Variants in AGFG1 observed in about 807,000 individuals in gnomAD.
AGFG1 encodes the protein ArfGAP with FG repeats 1.
In AGFG1, 10 loss-of-function variants were observed where a neutral mutation model predicts 60.6. That is an observed-to-expected ratio of 0.16 (90% CI 0.10 to 0.28). AGFG1 has a LOEUF of 0.28. Among genes scored for constraint, AGFG1 ranks in the 10% least tolerant of loss-of-function variants. The pLI is 1.00. For missense variants in AGFG1, 537 were observed against 676.5 expected, an observed-to-expected ratio of 0.79 and a Z score of 2.29; for synonymous variants, 247 against 242.9, an observed-to-expected ratio of 1.02 and a Z score of -0.16.
intron 8 of AGFG1, among the ~76,000 whole-genome samples, chr2:227,536,345 G>T (rs756123948): frequency 3.9e-5 from 6 of 152,080 alleles, no homozygotes. Flanking sequence ...TGAATATTAA[G>T]ATAGTGGCAC....
intron 1 of AGFG1, among the ~76,000 whole-genome samples, chr2:227,486,732 C>G (rs948772013): frequency 6.6e-6 from 1 of 152,140 alleles, no homozygotes; most frequent in Admixed American, 6.5e-5. Context: ...AGTAGAGAGC[C>G]AAAGAACTTC....
At chr2:227,476,180 T>C (rs1387818477) in intron 1 of AGFG1, among the ~76,000 whole-genome samples, 1 of 152,186 alleles carries the variant, frequency 6.6e-6, no homozygotes, top group African/African-American at 2.4e-5. Flanking sequence ...GTTAAACTAT[T>C]TGTTACTGAG....
At chr2:227,498,655 C>A (rs1691054493) in intron 2 of AGFG1, among the ~76,000 whole-genome samples, 1 of 152,168 alleles carries the variant, frequency 6.6e-6, no homozygotes, top group Admixed American at 6.5e-5. Context: ...GAGAAATACA[C>A]TAACAAAAAT....
At chr2:227,503,205 T>C (rs1488632480) in intron 2 of AGFG1, among the ~76,000 whole-genome samples, 2 of 150,788 alleles carry the variant, frequency 1.3e-5, no homozygotes, top group Admixed American at 6.6e-5. Context: ...CACTGCATTC[T>C]AGCCTGGGCA....
chr2:227,550,051 T>C (rs760609790), intron 10 of AGFG1: 5 of 451,980 alleles, frequency 1.1e-5, no homozygotes, highest in South Asian at 8.2e-5. Context: ...TTTATGGCTT[T>C]CCATAAGGCC....
rs1337073226 is a variant in AGFG1 at position 227,555,464 on chromosome 2, AT to A, written c.*971del. 17 of 151,980 alleles carry A rather than the reference AT, an allele frequency of 1.1e-4. No homozygotes were observed. The East Asian group carries it at 3.3e-3, about 29-fold the overall frequency. The allele number at this position is 151,980 out of a possible 1,614,324, so 9.4% of individuals were successfully genotyped here. On this transcript the variant is annotated 3_prime_UTR_variant, in exon 13 of 13. Coordinates refer to ENST00000310078, the MANE Select transcript of AGFG1 (RefSeq NM_004504.5). ...AGACTGCAAAAGGCCTATTTTAACT[AT>A]TGATTTTTTTTAAAAAAAATTGTCT... is the stretch of plus-strand genomic sequence containing the variant.
In AGFG1 at chr2:227,552,543, TAG is replaced by T. The variant is rs1401809983; in HGVS notation, c.1537+429_1537+430del. ...TCTAATTTGGTAACTATACTGTAGT[TAG>T]AGTTTGTTATTTGATTTTAGAAAGA... On this transcript the variant is annotated intron_variant, in intron 11 of 12. Coordinates refer to ENST00000310078, the MANE Select transcript of AGFG1 (RefSeq NM_004504.5). 2.0e-5 allele frequency among the ~76,000 whole-genome samples: 3 copies of T among 152,310 alleles called. No homozygotes were observed. In the East Asian group the frequency reaches 5.8e-4, roughly 29 times the overall value.
At chr2:227,524,937 CT>C (rs1316812910) in intron 5 of AGFG1, 22 bp downstream of exon 5, 3 of 1,612,654 alleles carry the variant, frequency 1.9e-6, no homozygotes, top group Non-Finnish European at 8.5e-7. Flanking sequence ...TTCCCAACAG[CT>C]TTTGCTGGGG....
chr2:227,531,488 G>A (rs530543838), intron 6 of AGFG1, among the ~76,000 whole-genome samples: 2 of 148,980 alleles, frequency 1.3e-5, no homozygotes, highest in South Asian at 4.3e-4. Flanking sequence ...CAGGACAGAG[G>A]CATGACACTA....
At chr2:227,526,879 T>C (rs1239621093) in intron 5 of AGFG1, among the ~76,000 whole-genome samples, 1 of 152,186 alleles carries the variant, frequency 6.6e-6, no homozygotes, top group Non-Finnish European at 1.5e-5. Context: ...CTTGTGGTCT[T>C]TGAATGGCCT....
At chr2:227,481,984 G>T (rs974864144) in intron 1 of AGFG1, among the ~76,000 whole-genome samples, 7 of 150,336 alleles carry the variant, frequency 4.7e-5, no homozygotes, top group Admixed American at 1.3e-4. Context: ...TCCTGCCTCA[G>T]CCTCCCACGT....
intron 1 of AGFG1, among the ~76,000 whole-genome samples, chr2:227,482,025 C>T (rs765067143): frequency 6.6e-6 from 1 of 151,912 alleles, no homozygotes; most frequent in Admixed American, 6.6e-5. Context: ...GCCACCTTGC[C>T]CCGCTAATTT....
intron 10 of AGFG1, among the ~76,000 whole-genome samples, chr2:227,538,168 T>A (rs1692371042): frequency 6.6e-6 from 1 of 152,220 alleles, no homozygotes; most frequent in South Asian, 2.1e-4. Flanking sequence ...GTGGACTGAG[T>A]TTGTAAAATG....
In AGFG1 at chr2:227,560,381, G is replaced by C. The variant is rs1229109388; in HGVS notation, c.*5886G>C. ...TGAGGCTCACCAGCTGTGTAGGTATGATCTTGTGCTTCCATTTAAGAAATT... is the reference window on the plus strand; with the variant it reads ...TGAGGCTCACCAGCTGTGTAGGTATCATCTTGTGCTTCCATTTAAGAAATT... On this transcript the variant is annotated 3_prime_UTR_variant, in exon 13 of 13. Coordinates refer to ENST00000310078, the MANE Select transcript of AGFG1 (RefSeq NM_004504.5). 1 of 151,926 alleles carries C rather than the reference G, an allele frequency of 6.6e-6. No individual in the cohort carries two copies. The highest frequency in any genetic ancestry group is 6.6e-5 in the Admixed American group (1 of 15,248). 9.4% of individuals were successfully genotyped at this position (151,926 alleles called of 1,614,324 possible). A position where few individuals can be genotyped will look rare whatever the true frequency, so the allele number is the denominator to read the frequency against.
chr2:227,491,662 T>C, intron 2 of AGFG1, 22 bp downstream of exon 2: 1 of 1,393,248 alleles, frequency 7.2e-7, no homozygotes, highest in East Asian at 2.4e-5. Context: ...TTTTTTTTTT[T>C]TGCAATTTTT....
At chr2:227,491,863 T>G (rs1690829426) in intron 2 of AGFG1, among the ~76,000 whole-genome samples, 1 of 152,188 alleles carries the variant, frequency 6.6e-6, no homozygotes, top group Admixed American at 6.5e-5. Context: ...ATGTGTGTAT[T>G]TAAAAGTCAT....
At chr2:227,532,809 T>C (rs1692201504) in intron 6 of AGFG1, among the ~76,000 whole-genome samples, 1 of 152,134 alleles carries the variant, frequency 6.6e-6, no homozygotes, top group Non-Finnish European at 1.5e-5. Context: ...TTGATAGTAC[T>C]TTAAGGAGGT....
chr2:227,484,637 A>G (rs1690564630), intron 1 of AGFG1, among the ~76,000 whole-genome samples: 1 of 148,902 alleles, frequency 6.7e-6, no homozygotes, highest in Admixed American at 6.7e-5. Flanking sequence ...TTTCTTCTTA[A>G]AGTATATACA....
intron 2 of AGFG1, among the ~76,000 whole-genome samples, chr2:227,512,069 C>G (rs1015024545): frequency 2.6e-5 from 4 of 152,062 alleles, no homozygotes; most frequent in African/African-American, 9.7e-5. Context: ...TAAAGAAACC[C>G]TAGGACAAAA....
Sources: allele counts gnomAD v4.1 joint callset (sites outside exome capture counted in the v4.1 genomes callset), GRCh38; gene constraint gnomAD v4.1.1; transcripts MANE v1.5; gene names NCBI Gene and HGNC (gene_info 2026-07-23, HGNC 2026-07-21).